ZFHX3: variants seen among roughly 807,000 people sequenced by gnomAD.
The protein encoded by ZFHX3 is zinc finger homeobox 3, also known as zinc finger homeobox protein 3.
A neutral mutation model predicts 279.1 loss-of-function variants in ZFHX3; 42 were observed. That is an observed-to-expected ratio of 0.15 (90% CI 0.12 to 0.19). The LOEUF (loss-of-function observed/expected upper bound fraction) is 0.19. Among genes scored for constraint, ZFHX3 ranks in the 10% least tolerant of loss-of-function variants. The probability of loss-of-function intolerance (pLI) is 1.00; values close to 1 mark genes in which losing one functional copy is unlikely to be tolerated. For missense variants in ZFHX3, 4,981 were observed against 4,754.0 expected, an observed-to-expected ratio of 1.05 and a Z score of -1.40; for synonymous variants, 2,293 against 1,957.8, an observed-to-expected ratio of 1.17 and a Z score of -4.52.
At chr16:72,909,847 T>C (rs1423045077) in intron 3 of ZFHX3, among the ~76,000 whole-genome samples, 2 of 126,282 alleles carry the variant, frequency 1.6e-5, no homozygotes, top group African/African-American at 3.2e-5. Flanking sequence ...CACTGCACTC[T>C]ACCCTGGGTG....
chr16:72,877,918 G>C (rs1702091032), intron 4 of ZFHX3, among the ~76,000 whole-genome samples: 1 of 152,276 alleles, frequency 6.6e-6, no homozygotes, highest in East Asian at 1.9e-4. Flanking sequence ...AATTATAGTG[G>C]GCTTGTAAAC....
intron 1 of ZFHX3, among the ~76,000 whole-genome samples, chr16:73,823,885 T>C (rs142229001): frequency 2.0e-5 from 3 of 152,246 alleles, no homozygotes; most frequent in South Asian, 4.2e-4. Context: ...GCAAGAGTCA[T>C]AGGAGGGAAA....
At chr16:73,793,605 T>C (rs114027712) in intron 1 of ZFHX3, among the ~76,000 whole-genome samples, 1,759 of 152,332 alleles carry the variant, frequency 0.012, 33 homozygotes, top group African/African-American at 0.04. Flanking sequence ...TATTTGACTG[T>C]GTGATTCTCC....
At chr16:72,855,217 C>A (rs1023771813) in intron 4 of ZFHX3, among the ~76,000 whole-genome samples, 1 of 152,186 alleles carries the variant, frequency 6.6e-6, no homozygotes, top group Non-Finnish European at 1.5e-5. Flanking sequence ...ATTGCACCAA[C>A]CTCATCAATT....
At chr16:73,864,937 C>G (rs1379236312) in intron 1 of ZFHX3, among the ~76,000 whole-genome samples, 1 of 152,146 alleles carries the variant, frequency 6.6e-6, no homozygotes, top group Non-Finnish European at 1.5e-5. Context: ...TTGTTTTGAC[C>G]AATACAATCT....
chr16:72,852,271 C>G (rs1406560317), intron 4 of ZFHX3, among the ~76,000 whole-genome samples: 1 of 152,170 alleles, frequency 6.6e-6, no homozygotes, highest in East Asian at 1.9e-4. Context: ...CCTTTTGAAA[C>G]ATTGTTTATA....
At chr16:73,361,846 C>A (rs2016438289) in intron 3 of ZFHX3, among the ~76,000 whole-genome samples, 1 of 152,156 alleles carries the variant, frequency 6.6e-6, no homozygotes, top group Non-Finnish European at 1.5e-5. Context: ...GGTGACAGTT[C>A]TCCCCCATAA....
At chr16:73,723,862 G>A (rs1156297315) in intron 1 of ZFHX3, among the ~76,000 whole-genome samples, 2 of 152,066 alleles carry the variant, frequency 1.3e-5, no homozygotes, top group Non-Finnish European at 2.9e-5. Flanking sequence ...AGAAGGGTGA[G>A]GAAGAGGATG....
intron 9 of ZFHX3, chr16:72,790,583 C>T (rs1487026750): frequency 1.3e-5 from 2 of 152,208 alleles, no homozygotes; most frequent in African/African-American, 4.8e-5. Context: ...CAATCCCAGA[C>T]AAACAGCTGT....
At chr16:73,737,042 C>A (rs983300823) in intron 1 of ZFHX3, among the ~76,000 whole-genome samples, 2 of 151,084 alleles carry the variant, frequency 1.3e-5, no homozygotes, top group African/African-American at 4.9e-5. Context: ...CTTTTTCTTT[C>A]TTTTTTTTTA....
intron 1 of ZFHX3, among the ~76,000 whole-genome samples, chr16:73,022,873 A>T (rs1964354586): frequency 6.7e-6 from 1 of 149,576 alleles, no homozygotes; most frequent in Non-Finnish European, 1.5e-5. Context: ...AAATCCCCCG[A>T]TTTTTTTTTT....
At chr16:73,804,271 T>C (rs1960215435) in intron 1 of ZFHX3, among the ~76,000 whole-genome samples, 1 of 152,194 alleles carries the variant, frequency 6.6e-6, no homozygotes, top group African/African-American at 2.4e-5. Context: ...TTATTTCGCT[T>C]GCTACAATTA....
intron 1 of ZFHX3, among the ~76,000 whole-genome samples, chr16:73,700,676 C>T (rs2142216278): frequency 6.6e-6 from 1 of 152,186 alleles, no homozygotes; most frequent in Middle Eastern, 3.4e-3. Flanking sequence ...AAACACATGC[C>T]ATTAAAAGTT....
At chr16:72,860,932 T>G (rs2037874378) in intron 4 of ZFHX3, among the ~76,000 whole-genome samples, 1 of 152,226 alleles carries the variant, frequency 6.6e-6, no homozygotes, top group East Asian at 1.9e-4. Context: ...TTATTTTTTG[T>G]GTGCACAACG....
At chr16:73,425,346 T>C (rs76801946) in intron 3 of ZFHX3, among the ~76,000 whole-genome samples, 3,466 of 152,250 alleles carry the variant, frequency 0.023, 132 homozygotes, top group African/African-American at 0.078. Context: ...TAGAAATACA[T>C]ACATAGGTAC....
chr16:73,595,403 A>C (rs1317868929), intron 2 of ZFHX3, among the ~76,000 whole-genome samples: 1 of 152,174 alleles, frequency 6.6e-6, no homozygotes, highest in Non-Finnish European at 1.5e-5. Context: ...GCTGCATCAA[A>C]AGCATCGACA....
intron 5 of ZFHX3, among the ~76,000 whole-genome samples, chr16:73,150,855 T>C (rs991315811): frequency 6.6e-6 from 1 of 152,230 alleles, no homozygotes; most frequent in African/African-American, 2.4e-5. Context: ...CTGGATTTCT[T>C]TGTAAATTCA....
At chr16:73,297,763 C>G (rs1260806908) in intron 4 of ZFHX3, among the ~76,000 whole-genome samples, 2 of 152,020 alleles carry the variant, frequency 1.3e-5, no homozygotes, top group African/African-American at 2.4e-5. Context: ...GTTATAGAAC[C>G]TCTCTGAGCC....
chr16:73,860,749 G>A (rs1961859983), intron 1 of ZFHX3, among the ~76,000 whole-genome samples: 3 of 152,008 alleles, frequency 2.0e-5, no homozygotes, highest in Non-Finnish European at 4.4e-5. Context: ...GGCCTTCTCC[G>A]TGCAGAACTC....
Sources: gnomAD v4.1 joint callset for allele counts (sites outside exome capture counted in the v4.1 genomes callset) on GRCh38, gnomAD v4.1.1 for gene constraint, MANE v1.5 for transcripts, NCBI Gene and HGNC (gene_info 2026-07-23, HGNC 2026-07-21) for gene names.